The following CDH13 variants were observed in gnomAD, a reference collection of about 807,000 sequenced individuals.
CDH13 encodes the protein cadherin-13.
Under a neutral mutation model 63.8 loss-of-function variants are expected in CDH13, and 24 were observed. The ratio of observed to expected loss-of-function variants is 0.38; its 90% CI spans 0.27 to 0.53. CDH13 has a LOEUF of 0.53. CDH13 is among the 20% of genes least tolerant of loss of function. The pLI, the probability that CDH13 is intolerant of heterozygous loss-of-function variation, is 0.85. For missense variants in CDH13, 1,049 were observed against 903.1 expected, an observed-to-expected ratio of 1.16 and a Z score of -2.07; for synonymous variants, 503 against 355.3, an observed-to-expected ratio of 1.42 and a Z score of -4.67.
At chr16:82,810,671 G>C (rs957570414) in intron 1 of CDH13, among the ~76,000 whole-genome samples, 3 of 152,166 alleles carry the variant, frequency 2.0e-5, no homozygotes, top group African/African-American at 7.2e-5. Flanking sequence ...GGGATTACCA[G>C]AGAAGATTTT....
chr16:83,710,829 C>T (rs1446867762), intron 10 of CDH13, among the ~76,000 whole-genome samples: 1 of 152,146 alleles, frequency 6.6e-6, no homozygotes, highest in Non-Finnish European at 1.5e-5. Flanking sequence ...GAGAGGGCTG[C>T]AACTCGGGCA....
intron 5 of CDH13, among the ~76,000 whole-genome samples, chr16:83,232,739 C>T (rs1203034267): frequency 6.6e-6 from 1 of 151,086 alleles, no homozygotes. Context: ...ACCAATTAAA[C>T]CTGTCTCTTT....
At chr16:83,073,821 A>G (rs1157422412) in intron 3 of CDH13, among the ~76,000 whole-genome samples, 1 of 152,086 alleles carries the variant, frequency 6.6e-6, no homozygotes, top group Non-Finnish European at 1.5e-5. Context: ...ACAGCATAGC[A>G]ATTGTCTACC....
chr16:83,544,336 C>A (rs1425146153), intron 7 of CDH13, among the ~76,000 whole-genome samples: 2 of 151,850 alleles, frequency 1.3e-5, no homozygotes, highest in Non-Finnish European at 2.9e-5. Context: ...CATTCAGATT[C>A]CTGCTCCAAC....
At chr16:82,713,164 G>A (rs895659524) in intron 1 of CDH13, among the ~76,000 whole-genome samples, 4 of 151,960 alleles carry the variant, frequency 2.6e-5, no homozygotes, top group Non-Finnish European at 5.9e-5. Flanking sequence ...TTGGGATCCC[G>A]GTACCACCCG....
intron 1 of CDH13, among the ~76,000 whole-genome samples, chr16:82,675,990 C>T (rs1009274971): frequency 6.6e-6 from 1 of 152,186 alleles, no homozygotes; most frequent in African/African-American, 2.4e-5. Context: ...TGCTCAAACT[C>T]AATTCCCTGT....
intron 10 of CDH13, among the ~76,000 whole-genome samples, chr16:83,683,447 C>G (rs1462468902): frequency 6.6e-6 from 1 of 152,180 alleles, no homozygotes; most frequent in Non-Finnish European, 1.5e-5. Context: ...TGTGAGTATT[C>G]TGTTTTTCAT....
At chr16:83,758,851 C>T (rs946166415) in intron 11 of CDH13, among the ~76,000 whole-genome samples, 1 of 152,208 alleles carries the variant, frequency 6.6e-6, no homozygotes, top group Non-Finnish European at 1.5e-5. Flanking sequence ...ATGAAAACTA[C>T]AAATGACTGC....
At chr16:82,833,851 C>G (rs10492862) in intron 1 of CDH13, among the ~76,000 whole-genome samples, 9 of 151,902 alleles carry the variant, frequency 5.9e-5, no homozygotes, top group East Asian at 1.9e-4. Flanking sequence ...CTGGTTGATG[C>G]GATTATAATG....
intron 7 of CDH13, among the ~76,000 whole-genome samples, chr16:83,597,998 A>G (rs1907434155): frequency 6.6e-6 from 1 of 152,202 alleles, no homozygotes; most frequent in Non-Finnish European, 1.5e-5. Flanking sequence ...TGATCACTGT[A>G]TCTCTAGTAT....
chr16:83,752,315 T>C (rs1286190475), intron 11 of CDH13, among the ~76,000 whole-genome samples: 3 of 152,214 alleles, frequency 2.0e-5, no homozygotes, highest in Admixed American at 6.5e-5. Flanking sequence ...CTTCTTTACA[T>C]GTATGCAGTA....
rs9930161 is a variant in CDH13 at position 82,912,384 on chromosome 16, C to T, written c.157+53911C>T. ...GGGTCTCCACAATAACCAGTAACTC[C>T]ATGGTTGTAGAGTTCAGATAATCAT... On this transcript the variant is annotated intron_variant, in intron 2 of 13. Coordinates refer to ENST00000567109, the MANE Select transcript of CDH13 (RefSeq NM_001257.5). 3.2e-3 allele frequency among the ~76,000 whole-genome samples: 493 copies of T among 152,260 alleles called. 5 individuals carry two copies. Among genetic ancestry groups the T allele is most frequent in the African/African-American group, 0.011 (474 of 41,532 alleles).
rs538364981 is a variant in CDH13, at chr16:83,108,917, A to G, written c.367-16468A>G. ...TCTGCCCTGCCTCCTGGAATTCTCC[A>G]GTGGGAATGTACTTGTTAATGCTTC... On this transcript the variant is annotated intron_variant, in intron 3 of 13. Coordinates refer to ENST00000567109, the MANE Select transcript of CDH13 (RefSeq NM_001257.5). 3.3e-5 allele frequency among the ~76,000 whole-genome samples: 5 copies of G among 152,224 alleles called. No homozygotes were observed. In the South Asian group the frequency reaches 1.0e-3, roughly 32 times the overall value.
Position 83,321,391 on chromosome 16 carries a change from G to A in CDH13, c.637-23471G>A, listed in dbSNP as rs149981225. ...ACGTCACTCACCCTTCATTGGCATCGGAATTATTTAAGTTGGCGCGGCCTC... is the reference window on the plus strand; with the variant it reads ...ACGTCACTCACCCTTCATTGGCATCAGAATTATTTAAGTTGGCGCGGCCTC... On this transcript the variant is annotated intron_variant, in intron 5 of 13. Transcript: ENST00000567109. 3.0e-3 allele frequency among the ~76,000 whole-genome samples: 462 copies of A among 152,122 alleles called. 8 individuals carry two copies. The highest frequency in any genetic ancestry group is 0.01 in the African/African-American group (427 of 41,500).
chr16:83,091,396 G>A (rs902787853), intron 3 of CDH13, among the ~76,000 whole-genome samples: 1 of 152,202 alleles, frequency 6.6e-6, no homozygotes, highest in Non-Finnish European at 1.5e-5. Flanking sequence ...GAAGCCCAAT[G>A]ACCAAATCAT....
intron 3 of CDH13, among the ~76,000 whole-genome samples, chr16:83,066,508 G>C (rs1437916394): frequency 1.3e-5 from 2 of 151,712 alleles, no homozygotes; most frequent in Non-Finnish European, 2.9e-5. Flanking sequence ...TCTTAGGGCT[G>C]ACTGATGCTT....
At chr16:82,726,897 T>G (rs11150491) in intron 1 of CDH13, among the ~76,000 whole-genome samples, 62,439 of 152,058 alleles carry the variant, frequency 0.41, 13,408 homozygotes, top group East Asian at 0.71. Flanking sequence ...CAGAGCTGTA[T>G]TCTGTCTGAG....
chr16:82,698,101 G>C (rs964507068), intron 1 of CDH13, among the ~76,000 whole-genome samples: 1 of 152,188 alleles, frequency 6.6e-6, no homozygotes, highest in African/African-American at 2.4e-5. Context: ...ATTTAACTTG[G>C]ACAGGCAGGT....
At chr16:83,572,880 T>G (rs1280518019) in intron 7 of CDH13, among the ~76,000 whole-genome samples, 2 of 152,244 alleles carry the variant, frequency 1.3e-5, no homozygotes, top group Non-Finnish European at 2.9e-5. Context: ...GCCTTTTGTT[T>G]TATTTCCTAG....
Sources: allele counts gnomAD v4.1 joint callset (sites outside exome capture counted in the v4.1 genomes callset), GRCh38; gene constraint gnomAD v4.1.1; transcripts MANE v1.5; gene names NCBI Gene and HGNC (gene_info 2026-07-23, HGNC 2026-07-21).